Variants in SKAP2 observed in about 807,000 individuals in gnomAD.
SKAP2 encodes the protein src kinase associated phosphoprotein 2.
In SKAP2, 28 loss-of-function variants were observed where a neutral mutation model predicts 54.9. The ratio of observed to expected loss-of-function variants is 0.51; its 90% CI spans 0.38 to 0.70. The LOEUF (loss-of-function observed/expected upper bound fraction) is 0.70. Ranked by LOEUF, SKAP2 falls within the 30% of genes least tolerant of loss-of-function variation. The probability of loss-of-function intolerance (pLI) is 0.00; values close to 1 mark genes in which losing one functional copy is unlikely to be tolerated. For synonymous variants in SKAP2, 137 were observed against 134.3 expected, an observed-to-expected ratio of 1.02 and a Z score of -0.14; for missense variants, 356 against 424.1, an observed-to-expected ratio of 0.84 and a Z score of 1.41.
At chr7:26,816,916 G>C (rs896020858) in intron 4 of SKAP2, among the ~76,000 whole-genome samples, 1 of 152,036 alleles carries the variant, frequency 6.6e-6, no homozygotes, top group African/African-American at 2.4e-5. Context: ...TTGCTAACAT[G>C]GTTTGCTCAG....
At chr7:26,753,056 T>C (rs1782718993) in intron 4 of SKAP2, among the ~76,000 whole-genome samples, 1 of 152,190 alleles carries the variant, frequency 6.6e-6, no homozygotes, top group African/African-American at 2.4e-5. Flanking sequence ...ATTTCAATAT[T>C]AGAACAGTTA....
At chr7:26,728,797 C>G (rs1331500023) in intron 6 of SKAP2, among the ~76,000 whole-genome samples, 1 of 152,066 alleles carries the variant, frequency 6.6e-6, no homozygotes, top group East Asian at 1.9e-4. Flanking sequence ...GAGAGAGTTC[C>G]TTAAACTCTC....
intron 9 of SKAP2, among the ~76,000 whole-genome samples, chr7:26,700,442 C>T (rs994739154): frequency 3.3e-5 from 5 of 152,180 alleles, no homozygotes; most frequent in South Asian, 2.1e-4. Flanking sequence ...ATACCAGATA[C>T]GCTTTTCAGA....
chr7:26,852,676 C>T (rs564336382), intron 3 of SKAP2, among the ~76,000 whole-genome samples: 7 of 152,202 alleles, frequency 4.6e-5, no homozygotes, highest in Non-Finnish European at 1.0e-4. Flanking sequence ...CACACCTGAA[C>T]GAATTCTAAA....
intron 6 of SKAP2, among the ~76,000 whole-genome samples, chr7:26,730,249 A>AT (rs1220779978): frequency 6.6e-6 from 1 of 152,204 alleles, no homozygotes; most frequent in Non-Finnish European, 1.5e-5. Context: ...TAGTTCCACA[A>AT]TTGCTTTTTG....
At position 26,685,448 on chromosome 7, in the gene SKAP2, C is replaced by T. The variant is rs148988314; in HGVS notation, c.875-600G>A. 1.7e-3 allele frequency among the ~76,000 whole-genome samples: 253 copies of T among 152,140 alleles called. 1 individual carries two copies. Among genetic ancestry groups the T allele is most frequent in the African/African-American group, 5.9e-3 (244 of 41,500 alleles). On this transcript the variant is annotated intron_variant, in intron 10 of 12. Coordinates refer to ENST00000345317, the MANE Select transcript of SKAP2 (RefSeq NM_003930.5). ...AATTTTCTTTAGGGACATTTGTACC[C>T]AAAGCCAAAGTTATCTTTGAAAATT...
chr7:26,859,128 C>A (rs1232019681), intron 1 of SKAP2, among the ~76,000 whole-genome samples: 1 of 152,062 alleles, frequency 6.6e-6, no homozygotes, highest in Admixed American at 6.5e-5. Flanking sequence ...CACACAGCAC[C>A]CCCATGGCCT....
At chr7:26,700,047 T>C (rs544579346) in intron 9 of SKAP2, among the ~76,000 whole-genome samples, 10 of 152,344 alleles carry the variant, frequency 6.6e-5, no homozygotes, top group East Asian at 5.8e-4. Context: ...TTTCATCTTG[T>C]TGGATTTGAC....
intron 4 of SKAP2, among the ~76,000 whole-genome samples, chr7:26,789,220 A>G (rs1454475452): frequency 6.6e-6 from 1 of 152,202 alleles, no homozygotes; most frequent in Non-Finnish European, 1.5e-5. Context: ...TAAAAATTTC[A>G]AGGTAAAGAT....
intron 6 of SKAP2, among the ~76,000 whole-genome samples, chr7:26,728,013 A>G (rs1228433129): frequency 2.0e-5 from 3 of 152,106 alleles, no homozygotes; most frequent in African/African-American, 7.2e-5. Context: ...TTAAATACAC[A>G]AGTTAAATGC....
At chr7:26,832,767 G>A (rs989031862) in intron 4 of SKAP2, among the ~76,000 whole-genome samples, 2 of 152,208 alleles carry the variant, frequency 1.3e-5, no homozygotes, top group Admixed American at 6.5e-5. Context: ...CTGGAGTAAT[G>A]AAGACACAGC....
chr7:26,736,877 AGAGT>A (rs924241803), intron 6 of SKAP2, among the ~76,000 whole-genome samples: 73 of 152,250 alleles, frequency 4.8e-4, no homozygotes, highest in African/African-American at 1.7e-3. Flanking sequence ...CTTGGGTGAC[AGAGT>A]GAGGCCCCCG....
chr7:26,657,099 G>GATAAATAACTATAAA, the SKAP2 span, among the ~76,000 whole-genome samples: 1 of 152,158 alleles, frequency 6.6e-6, no homozygotes, highest in Admixed American at 6.5e-5. Flanking sequence ...GAAATACCTG[G>GATAAATAACTATAAA]TAACTATAAA....
chr7:26,719,166 C>A (rs1047050291), intron 9 of SKAP2, among the ~76,000 whole-genome samples: 2 of 151,906 alleles, frequency 1.3e-5, no homozygotes, highest in Admixed American at 6.6e-5. Context: ...CAGAGCAAGA[C>A]CCTATCTTTA....
At chr7:26,739,003 G>C (rs1469583692) in intron 5 of SKAP2, 125 bp from the exon 6 acceptor site, 2 of 670,282 alleles carry the variant, frequency 3.0e-6, no homozygotes, top group Non-Finnish European at 5.2e-6. Context: ...TCTTTTCCAA[G>C]AGACAAAAAA....
the SKAP2 span, among the ~76,000 whole-genome samples, chr7:26,661,331 T>C: frequency 6.6e-6 from 1 of 152,280 alleles, no homozygotes; most frequent in African/African-American, 2.4e-5. Context: ...GATATGCATC[T>C]GATGTTTTTT....
chr7:26,845,426 GAT>G (rs1784901684), intron 3 of SKAP2, among the ~76,000 whole-genome samples: 2 of 152,182 alleles, frequency 1.3e-5, no homozygotes, highest in Non-Finnish European at 2.9e-5. Flanking sequence ...TCATTAAGAT[GAT>G]AAGGGCAGAA....
At chr7:26,790,866 AGT>A (rs1783659106) in intron 4 of SKAP2, among the ~76,000 whole-genome samples, 1 of 152,214 alleles carries the variant, frequency 6.6e-6, no homozygotes, top group Non-Finnish European at 1.5e-5. Context: ...CTATATAAAA[AGT>A]CTTGAATATA....
intron 4 of SKAP2, among the ~76,000 whole-genome samples, chr7:26,785,701 T>C (rs1783530251): frequency 6.6e-6 from 1 of 152,152 alleles, no homozygotes; most frequent in African/African-American, 2.4e-5. Flanking sequence ...AAATTTAGAA[T>C]GTTGGACTCC....
Sources: allele counts gnomAD v4.1 joint callset (sites outside exome capture counted in the v4.1 genomes callset), GRCh38; gene constraint gnomAD v4.1.1; transcripts MANE v1.5; gene names NCBI Gene and HGNC (gene_info 2026-07-23, HGNC 2026-07-21).